DNMT1: variants seen among roughly 807,000 people sequenced by gnomAD.
DNMT1 encodes the protein DNA methyltransferase 1, also known as DNA (cytosine-5)-methyltransferase 1.
DNMT1 carries 24 observed loss-of-function variants against 205.3 expected under a neutral mutation model. That is an observed-to-expected ratio of 0.12 (90% confidence interval 0.08 to 0.16). The LOEUF is 0.16. DNMT1 is among the 10% of genes least tolerant of loss of function. DNMT1 has a pLI of 1.00. For missense variants in DNMT1, 1,293 were observed against 2,177.7 expected, an observed-to-expected ratio of 0.59 and a Z score of 8.09; for synonymous variants, 817 against 839.8, an observed-to-expected ratio of 0.97 and a Z score of 0.47.
chr19:10,167,969 G>A (rs564618679), intron 10 of DNMT1, among the ~76,000 whole-genome samples: 2 of 151,868 alleles, frequency 1.3e-5, no homozygotes, highest in Admixed American at 6.6e-5. Flanking sequence ...CTAAAAATAC[G>A]AAAATTAGTT....
At chr19:10,162,165 G>A (rs2038582772) in intron 13 of DNMT1, among the ~76,000 whole-genome samples, 1 of 149,322 alleles carries the variant, frequency 6.7e-6, no homozygotes, top group Non-Finnish European at 1.5e-5. Context: ...TTGAGACAGA[G>A]TCTTGCTCTG....
At chr19:10,155,733 GT>G in intron 19 of DNMT1, 119 bp downstream of exon 19, 1 of 1,061,732 alleles carries the variant, frequency 9.4e-7, no homozygotes. Flanking sequence ...AAGGTTCCCA[GT>G]CACATGGCCT....
At position 10,159,978 on chromosome 19, in the gene DNMT1, G is replaced by A. The variant is rs369046115; in HGVS notation, c.1089+40C>T. 9.5e-5 allele frequency: 153 copies of A among 1,614,238 alleles called. No homozygotes were observed. In the South Asian group the frequency reaches 1.4e-3, roughly 15 times the overall value. The stretch of plus-strand genomic sequence containing the variant: ...TCAGAGAGCAGCTCCCAGCCGCCTC[G>A]TGAGCGCCGCCACCGGCTTTATTCC... On this transcript the variant is annotated intron_variant, in intron 15 of 40. Coordinates refer to ENST00000359526, the MANE Select transcript of DNMT1 (RefSeq NM_001130823.3). The surrounding 1 kb of genome is among the most constrained non-coding windows in gnomAD (Gnocchi z 5.0).
At chr19:10,145,734 A>C (rs748928782) in intron 28 of DNMT1, among the ~76,000 whole-genome samples, 8 of 152,160 alleles carry the variant, frequency 5.3e-5, no homozygotes, top group Non-Finnish European at 1.0e-4. Context: ...CTCCCACTTC[A>C]CAGTAGGGGA....
At chr19:10,135,250 G>A (rs533609981) in intron 39 of DNMT1, among the ~76,000 whole-genome samples, 6 of 145,462 alleles carry the variant, frequency 4.1e-5, no homozygotes, top group South Asian at 2.3e-4. Flanking sequence ...GCTGCTTCCC[G>A]AGAACCAGAT....
chr19:10,162,297 C>T (rs191783930), intron 13 of DNMT1, among the ~76,000 whole-genome samples: 63 of 150,820 alleles, frequency 4.2e-4, no homozygotes, highest in Non-Finnish European at 2.8e-4. Flanking sequence ...TGCCACCACG[C>T]CCAGCTAATT....
At chr19:10,148,351 C>T (rs543824333) in intron 27 of DNMT1, among the ~76,000 whole-genome samples, 1 of 150,184 alleles carries the variant, frequency 6.7e-6, no homozygotes, top group Non-Finnish European at 1.5e-5. Context: ...AAAAAACTAG[C>T]CGGGTGTGGT....
Position 10,137,946 on chromosome 19 carries a change from C to G in DNMT1, c.4179G>C (p.Val1393=), listed in dbSNP as rs778374437. The change falls in exon 36 of 41, where the codon GTG becomes GTC. Residue 1393 remains valine, a synonymous_variant. Coordinates refer to ENST00000359526, the MANE Select transcript of DNMT1 (RefSeq NM_001130823.3). The surrounding 1 kb of genome is among the most constrained non-coding windows in gnomAD (Gnocchi z 6.4). The part of the protein sequence containing the change: ...VRDTMSDLPE[V]RNGASALEIS... ...TCTCCAGTGCCGAGGCTCCATTCCG[C>G]ACCTCCGGCAGGTCGGACATCGTGT... 6.8e-6 allele frequency: 11 copies of G among 1,612,068 alleles called. No homozygotes were observed. In the Admixed American group the frequency reaches 1.8e-4, roughly 27 times the overall value.
At chr19:10,194,751 G>A (rs1175621839) in intron 1 of DNMT1, 69 bp downstream of exon 1, 6 of 1,518,626 alleles carry the variant, frequency 4.0e-6, no homozygotes, top group African/African-American at 1.4e-5. Context: ...GCCACCCCGA[G>A]GGGAAGCGAC....
chr19:10,142,320 T>C, intron 29 of DNMT1, 100 bp from the exon 30 acceptor site: 1 of 1,546,210 alleles, frequency 6.5e-7, no homozygotes, highest in Non-Finnish European at 8.8e-7. Context: ...AACTGCAGGG[T>C]AAAGACCCCC....
Position 10,140,902 on chromosome 19 carries a change from G to C in DNMT1, c.3402C>G (p.Gly1134=), listed in dbSNP as rs2145267352. The change falls in exon 32 of 41, where the codon GGC becomes GGG. Residue 1134 remains glycine (G), a synonymous_variant. Coordinates refer to ENST00000359526, the MANE Select transcript of DNMT1 (RefSeq NM_001130823.3). This position sits in a 1 kb window ranked among gnomAD's most constrained non-coding sequence, Gnocchi z 8.4. ...GCTCACAGGCTTGGGACTTGGGCTT[G>C]CCCTTCCCTGGGGGAGAGAGGCCAG... ...NKGKGKGKGK[G]KPKSQACEPS... is the part of the protein sequence containing the mutation. 6.2e-7 allele frequency: 1 copy of C among 1,614,028 alleles called. No homozygotes were observed. The highest frequency in any genetic ancestry group is 2.2e-5 in the East Asian group (1 of 44,878).
At position 10,151,422 on chromosome 19, in the gene DNMT1, G is replaced by T; in HGVS notation, c.2241C>A (p.Ile747=). ...CCTTGACGGCTTCTCCGACCCAAGA[G>T]ATGCGATTCTTGTTCTGTTTCTTCT... ...GKKKKQNKNR[I]SWVGEAVKTD... is the part of the protein sequence containing the mutation. Residue 747 remains isoleucine (I), a synonymous_variant, in exon 24 of 41, where the codon ATC becomes ATA. Transcript: ENST00000359526. The surrounding 1 kb of genome is among the most constrained non-coding windows in gnomAD (Gnocchi z 5.0). The T allele has an allele frequency of 6.2e-7, 1 of 1,613,982 alleles. No individual in the cohort carries two copies. The highest frequency in any genetic ancestry group is 8.5e-7 in the Non-Finnish European group (1 of 1,180,024).
Position 10,149,135 on chromosome 19 carries a change from C to A in DNMT1, c.2587-118G>T. ...GGTCAGGAGTTCGAGACCAGCCTGG[C>A]CAACATGGTGAAACCCCGTCTCTAC... On this transcript the variant is annotated intron_variant, in intron 26 of 40. Coordinates refer to ENST00000359526, the MANE Select transcript of DNMT1 (RefSeq NM_001130823.3). 1.0e-5 allele frequency: 14 copies of A among 1,397,096 alleles called. 1 individual carries two copies. The South Asian group carries it at 1.1e-4, about 11-fold the overall frequency. The allele number at this position is 1,397,096 out of a possible 1,614,324, so 86.5% of individuals were successfully genotyped here.
chr19:10,169,300 T>C (rs1360548598), intron 9 of DNMT1, among the ~76,000 whole-genome samples: 2 of 146,068 alleles, frequency 1.4e-5, no homozygotes, highest in East Asian at 4.1e-4. Context: ...CCCAGCACTT[T>C]GGGAGGCCGA....
chr19:10,136,335 G>C (rs1445644014), intron 37 of DNMT1, 48 bp from the exon 38 acceptor site: 5 of 1,608,186 alleles, frequency 3.1e-6, no homozygotes, highest in Non-Finnish European at 4.2e-6. Flanking sequence ...ATGGGGTATA[G>C]GCTTGGGACA....
intron 9 of DNMT1, among the ~76,000 whole-genome samples, chr19:10,172,145 G>A (rs1393006306): frequency 6.6e-6 from 1 of 152,142 alleles, no homozygotes; most frequent in Non-Finnish European, 1.5e-5. Flanking sequence ...GCCGGGTGTG[G>A]TGGCTCACGC....
In DNMT1 at chr19:10,168,557, C is replaced by G. The variant is rs1332595013; in HGVS notation, c.769-193G>C. ...TTGGAAGGCTGAGGTGAGAGGATCA[C>G]TTGTGCCAGGTGTTCAAGACAGCAA... On this transcript the variant is annotated intron_variant, in intron 9 of 40. Transcript: ENST00000359526. 2.6e-5 allele frequency among the ~76,000 whole-genome samples: 4 copies of G among 152,268 alleles called. No individual in the cohort carries two copies. The East Asian group carries it at 7.7e-4, about 29-fold the overall frequency.
intron 2 of DNMT1, 47 bp downstream of exon 2, chr19:10,181,994 G>A (rs2039055251): frequency 1.9e-6 from 3 of 1,538,960 alleles, no homozygotes; most frequent in South Asian, 1.1e-5. Flanking sequence ...GCCACAAAGT[G>A]TGTCAGTCAG....
rs767124770 is a variant in DNMT1 at position 10,183,125 on chromosome 19, A to ATATATACGTGTGTATATATATATTT, written c.81-1049_81-1048insAAATATATATATACACACGTATATA. ...TATATACGTGTGTATATATATATAT[A>ATATATACGTGTGTATATATATATTT]TTTTTTTTTTTTGAGATAGGGTTTT... is the stretch of plus-strand genomic sequence containing the variant. On this transcript the variant is annotated intron_variant, in intron 1 of 40. Transcript: ENST00000359526. 1.2e-4 allele frequency among the ~76,000 whole-genome samples: 14 copies of ATATATACGTGTGTATATATATATTT among 117,482 alleles called. No individual in the cohort carries two copies. In the Admixed American group the frequency reaches 1.4e-3, roughly 12 times the overall value. 77.1% of individuals were successfully genotyped at this position (117,482 alleles called of 152,430 possible).
Sources: gnomAD v4.1 joint callset for allele counts (sites outside exome capture counted in the v4.1 genomes callset) on GRCh38, gnomAD v4.1.1 for gene constraint, Gnocchi (gnomAD v3.1) non-coding constraint, MANE v1.5 for transcripts, NCBI Gene and HGNC (gene_info 2026-07-23, HGNC 2026-07-21) for gene names.